The following CDK19 variants were observed in gnomAD, a reference collection of about 807,000 sequenced individuals.
CDK19 encodes cyclin-dependent kinase 19.
CDK19 carries 20 observed loss-of-function variants against 68.3 expected under a neutral mutation model. That is an observed-to-expected ratio of 0.29 (90% confidence interval 0.21 to 0.43). CDK19 has a LOEUF of 0.43. Among genes scored for constraint, CDK19 ranks in the 20% least tolerant of loss-of-function variants. CDK19 has a pLI of 1.00. For synonymous variants in CDK19, 221 were observed against 222.8 expected (o/e 0.99, Z 0.07); for missense variants, 339 against 623.5 (o/e 0.54, Z 4.86).
At chr6:110,764,861 G>A (rs1779463221) in intron 1 of CDK19, among the ~76,000 whole-genome samples, 1 of 151,880 alleles carries the variant, frequency 6.6e-6, no homozygotes, top group Non-Finnish European at 1.5e-5. Flanking sequence ...TGAGGGAGGA[G>A]AATTGCTTGA....
intron 2 of CDK19, among the ~76,000 whole-genome samples, chr6:110,735,313 CA>C (rs778537046): frequency 2.7e-5 from 4 of 150,026 alleles, no homozygotes; most frequent in Non-Finnish European, 3.0e-5. Context: ...TCTTCTACTA[CA>C]AAAAAAAACT....
intron 4 of CDK19, chr6:110,646,592 C>A: frequency 1.9e-6 from 1 of 535,620 alleles, no homozygotes; most frequent in Non-Finnish European, 2.9e-6. Flanking sequence ...ACCGGGCCAA[C>A]GGCGGAGGGG....
rs538215880 is a variant in CDK19 at position 110,629,669 on chromosome 6, T to C, written c.646+2361A>G. Among the ~76,000 whole-genome samples the C allele has an allele frequency of 2.6e-5, 4 of 152,342 alleles. No homozygotes were observed. In the East Asian group the frequency reaches 7.7e-4, roughly 29 times the overall value. On this transcript the variant is annotated intron_variant, in intron 6 of 12. Coordinates refer to ENST00000368911, the MANE Select transcript of CDK19 (RefSeq NM_015076.5). ...TTGCCCGGCCCTAAGTACTCATTTC[T>C]AACATGGACCATGTATGGAGAAGAG...
chr6:110,705,711 C>T (rs1272167674), intron 2 of CDK19, among the ~76,000 whole-genome samples: 1 of 152,130 alleles, frequency 6.6e-6, no homozygotes, highest in African/African-American at 2.4e-5. Flanking sequence ...AAACAGATAA[C>T]AATTTCAGTA....
At chr6:110,662,022 T>C (rs1433806080) in intron 4 of CDK19, among the ~76,000 whole-genome samples, 4 of 152,152 alleles carry the variant, frequency 2.6e-5, no homozygotes, top group Non-Finnish European at 5.9e-5. Flanking sequence ...TAGGCTGGAG[T>C]GCAGTGGCAC....
At chr6:110,646,208 G>T in intron 4 of CDK19, 1 of 1,403,292 alleles carries the variant, frequency 7.1e-7, no homozygotes. Context: ...TCAGCAACTC[G>T]TCGGGGTCCG....
chr6:110,680,282 G>A (rs1771895936), intron 2 of CDK19, among the ~76,000 whole-genome samples: 1 of 152,308 alleles, frequency 6.6e-6, no homozygotes, highest in Non-Finnish European at 1.5e-5. Context: ...ATAATTCGAA[G>A]AGCAAAGGAG....
chr6:110,784,451 A>G (rs1781057083), intron 1 of CDK19, among the ~76,000 whole-genome samples: 2 of 152,130 alleles, frequency 1.3e-5, no homozygotes, highest in Admixed American at 1.3e-4. Flanking sequence ...TCACACCCAC[A>G]AGGATGACTA....
intron 2 of CDK19, among the ~76,000 whole-genome samples, chr6:110,676,207 C>T (rs12212386): frequency 0.047 from 7,214 of 152,208 alleles, 180 homozygotes; most frequent in Middle Eastern, 0.079. Context: ...AACAAGAGAA[C>T]AACAATTAGA....
At chr6:110,641,284 GAC>G (rs1346973151) in intron 4 of CDK19, among the ~76,000 whole-genome samples, 1 of 152,082 alleles carries the variant, frequency 6.6e-6, no homozygotes, top group Non-Finnish European at 1.5e-5. Context: ...AGGAGGAAAA[GAC>G]AGACAGCTTT....
chr6:110,734,565 T>G (rs1777084113), intron 2 of CDK19, among the ~76,000 whole-genome samples: 1 of 22,126 alleles, frequency 4.5e-5, no homozygotes, highest in South Asian at 9.4e-4. Context: ...CTCTCTCATG[T>G]CTGGGCTTTC....
At chr6:110,735,865 C>T (rs1353486762) in intron 2 of CDK19, among the ~76,000 whole-genome samples, 8 of 152,182 alleles carry the variant, frequency 5.3e-5, no homozygotes, top group Non-Finnish European at 8.8e-5. Context: ...AGAAGTGCTT[C>T]GCCAAAACAT....
intron 1 of CDK19, among the ~76,000 whole-genome samples, chr6:110,783,902 G>A (rs1301845743): frequency 6.6e-6 from 1 of 151,232 alleles, no homozygotes; most frequent in Non-Finnish European, 1.5e-5. Context: ...GCTCACGCCT[G>A]TTATCCCAGC....
chr6:110,703,323 T>C (rs1253585560), intron 2 of CDK19, among the ~76,000 whole-genome samples: 1 of 152,156 alleles, frequency 6.6e-6, no homozygotes, highest in Non-Finnish European at 1.5e-5. Flanking sequence ...GTACTTTGAA[T>C]AGGGTGCTTA....
chr6:110,734,067 C>G (rs1776983926), intron 2 of CDK19, among the ~76,000 whole-genome samples: 2 of 152,020 alleles, frequency 1.3e-5, no homozygotes, highest in African/African-American at 2.4e-5. Context: ...GTCACCCAGG[C>G]TGGAGGACAG....
At chr6:110,635,022 G>T (rs1162447763) in intron 5 of CDK19, among the ~76,000 whole-genome samples, 1 of 152,148 alleles carries the variant, frequency 6.6e-6, no homozygotes, top group African/African-American at 2.4e-5. Context: ...TAGACAAAAG[G>T]TAATTAGCCT....
intron 1 of CDK19, among the ~76,000 whole-genome samples, chr6:110,747,162 T>G (rs999203929): frequency 2.0e-5 from 3 of 152,206 alleles, no homozygotes; most frequent in African/African-American, 7.2e-5. Context: ...GCCAAAGTAG[T>G]GCCACATCTG....
At chr6:110,788,183 C>T (rs534846063) in intron 1 of CDK19, among the ~76,000 whole-genome samples, 1 of 151,874 alleles carries the variant, frequency 6.6e-6, no homozygotes, top group Admixed American at 6.6e-5. Flanking sequence ...GTTTTTGAGA[C>T]AGGCTCTTGA....
rs1778063784 is a variant in CDK19 at position 110,612,204 on chromosome 6, C to G, written c.*2331G>C. On this transcript the variant is annotated 3_prime_UTR_variant, in exon 13 of 13. Transcript: ENST00000368911. ...TAACCTCCTTGAGAGCAAGAACAGACCTTCTATTTTCCTTGCAATTTCCTA... is the reference window on the plus strand; with the variant it reads ...TAACCTCCTTGAGAGCAAGAACAGAGCTTCTATTTTCCTTGCAATTTCCTA... The G allele has an allele frequency of 6.6e-6, 1 of 152,130 alleles. No individual in the cohort carries two copies. The highest frequency in any genetic ancestry group is 2.1e-4 in the South Asian group (1 of 4,822). 9.4% of individuals were successfully genotyped at this position (152,130 alleles called of 1,614,324 possible).
Sources: gnomAD v4.1 joint callset for allele counts (sites outside exome capture counted in the v4.1 genomes callset) on GRCh38, gnomAD v4.1.1 for gene constraint, MANE v1.5 for transcripts, NCBI Gene and HGNC (gene_info 2026-07-23, HGNC 2026-07-21) for gene names.